CHMP2B: variants seen among roughly 807,000 people sequenced by gnomAD.
CHMP2B encodes the protein charged multivesicular body protein 2B.
In CHMP2B, 22 loss-of-function variants were observed where a neutral mutation model predicts 29.8. The observed-to-expected ratio is 0.74, with a 90% CI of 0.53 to 1.05. CHMP2B has a LOEUF of 1.05. CHMP2B is among the 50% of genes least tolerant of loss of function. The pLI, the probability that CHMP2B is intolerant of heterozygous loss-of-function variation, is 0.00. For missense variants in CHMP2B, 261 were observed against 252.2 expected, an observed-to-expected ratio of 1.03 and a Z score of -0.24; for synonymous variants, 78 against 75.8, an observed-to-expected ratio of 1.03 and a Z score of -0.15.
chr3:87,246,481 G>A (rs1050536365), intron 3 of CHMP2B, among the ~76,000 whole-genome samples: 11 of 152,066 alleles, frequency 7.2e-5, no homozygotes, highest in Admixed American at 7.2e-4. Context: ...CTAATTTTAT[G>A]AAATTGACTT....
intron 3 of CHMP2B, among the ~76,000 whole-genome samples, chr3:87,248,307 G>C (rs1241920524): frequency 6.7e-6 from 1 of 150,342 alleles, no homozygotes; most frequent in Non-Finnish European, 1.5e-5. Context: ...CAAAAAAAAA[G>C]AGAGAGAGAG....
intron 1 of CHMP2B, 46 bp downstream of exon 1, chr3:87,227,602 G>T (rs768671850): frequency 6.2e-7 from 1 of 1,613,218 alleles, no homozygotes; most frequent in Non-Finnish European, 8.5e-7. Context: ...GCGTTTTCTC[G>T]GCGTCTTTCG....
chr3:87,237,329 C>A (rs559399733), intron 1 of CHMP2B, among the ~76,000 whole-genome samples: 2 of 152,090 alleles, frequency 1.3e-5, no homozygotes, highest in Middle Eastern at 3.4e-3. Flanking sequence ...CAGATGGGGC[C>A]CTGATTCAAT....
chr3:87,238,208 A>G (rs1011092937), intron 1 of CHMP2B, among the ~76,000 whole-genome samples: 1 of 152,238 alleles, frequency 6.6e-6, no homozygotes, highest in Non-Finnish European at 1.5e-5. Context: ...TTTGGCTTTG[A>G]TGTTTTAATT....
At chr3:87,244,490 A>G (rs541981106) in intron 2 of CHMP2B, among the ~76,000 whole-genome samples, 68 of 151,944 alleles carry the variant, frequency 4.5e-4, no homozygotes, top group Admixed American at 2.0e-3. Flanking sequence ...CTCTTCTAAG[A>G]GCAGTTTTAA....
At chr3:87,247,883 A>G (rs1007196884) in intron 3 of CHMP2B, among the ~76,000 whole-genome samples, 3 of 152,224 alleles carry the variant, frequency 2.0e-5, no homozygotes, top group African/African-American at 4.8e-5. Flanking sequence ...ACTACGCATT[A>G]TATACATGTA....
At chr3:87,250,857 G>A (rs181095311) in intron 4 of CHMP2B, among the ~76,000 whole-genome samples, 6 of 151,644 alleles carry the variant, frequency 4.0e-5, no homozygotes, top group Admixed American at 2.0e-4. Flanking sequence ...AATTCTTTCC[G>A]GAAGACTACA....
intron 1 of CHMP2B, among the ~76,000 whole-genome samples, chr3:87,239,838 AAAAG>A (rs1231529429): frequency 2.0e-5 from 3 of 152,208 alleles, no homozygotes; most frequent in Non-Finnish European, 4.4e-5. Flanking sequence ...TTTTTTATGA[AAAAG>A]AAAGCTGAGG....
At chr3:87,244,964 G>A (rs1444663260) in intron 2 of CHMP2B, among the ~76,000 whole-genome samples, 1 of 152,034 alleles carries the variant, frequency 6.6e-6, no homozygotes, top group Non-Finnish European at 1.5e-5. Flanking sequence ...TCTCCTTTCA[G>A]TTCTGTCCAT....
intron 4 of CHMP2B, among the ~76,000 whole-genome samples, chr3:87,250,442 A>AG (rs572137018): frequency 6.6e-6 from 1 of 152,026 alleles, no homozygotes; most frequent in Non-Finnish European, 1.5e-5. Context: ...ATACAGAGAC[A>AG]GAGCATATAA....
rs535994337 is a variant in CHMP2B at position 87,244,203 on chromosome 3, C to T, written c.127-1511C>T. ...CTGGGACTACAGGTGTGTGCCACCA[C>T]GCCCAGCTAATTTTTGTATTTTTAG... On this transcript the variant is annotated intron_variant, in intron 2 of 5. Transcript: ENST00000263780. 3.2e-4 allele frequency among the ~76,000 whole-genome samples: 49 copies of T among 151,332 alleles called. No individual in the cohort carries two copies. The East Asian group carries it at 5.4e-3, about 17-fold the overall frequency.
chr3:87,239,949 G>A (rs914822305), intron 1 of CHMP2B, among the ~76,000 whole-genome samples: 9 of 152,042 alleles, frequency 5.9e-5, no homozygotes, highest in African/African-American at 2.2e-4. Context: ...AAAGTCTGGT[G>A]TTTCAGTCTG....
At chr3:87,243,429 A>T (rs1284285288) in intron 2 of CHMP2B, among the ~76,000 whole-genome samples, 2 of 151,780 alleles carry the variant, frequency 1.3e-5, no homozygotes, top group Non-Finnish European at 2.9e-5. Context: ...ATGGAGTTTC[A>T]CTTTTATTGC....
chr3:87,249,112 T>C (rs979740514), intron 3 of CHMP2B, among the ~76,000 whole-genome samples: 1 of 152,168 alleles, frequency 6.6e-6, no homozygotes, highest in Admixed American at 6.6e-5. Context: ...TATAGCCTGT[T>C]GGTCCTAGGC....
chr3:87,243,513 A>G (rs925572270), intron 2 of CHMP2B, among the ~76,000 whole-genome samples: 3 of 152,058 alleles, frequency 2.0e-5, no homozygotes, highest in Non-Finnish European at 4.4e-5. Context: ...TGCTGGCCCC[A>G]TAGCTTGAGT....
chr3:87,238,188 G>T (rs1426139952), intron 1 of CHMP2B, among the ~76,000 whole-genome samples: 2 of 152,236 alleles, frequency 1.3e-5, no homozygotes, highest in Non-Finnish European at 2.9e-5. Context: ...TCCTAAAAAA[G>T]ATAAAGATTT....
At position 87,253,881 on chromosome 3, in the gene CHMP2B, T is replaced by C; in HGVS notation, c.*59T>C. ...ATTATGTAGTATAAACCAAGCACAGTGCAGATTTCTTTTACAAAACACATG... is the reference window on the plus strand; with the variant it reads ...ATTATGTAGTATAAACCAAGCACAGCGCAGATTTCTTTTACAAAACACATG... On this transcript the variant is annotated 3_prime_UTR_variant, in exon 6 of 6. Transcript: ENST00000263780. 1 of 1,245,360 alleles carries C rather than the reference T, an allele frequency of 8.0e-7. No homozygotes were observed. Among genetic ancestry groups the C allele is most frequent in the Non-Finnish European group, 1.2e-6 (1 of 858,982 alleles). The allele number at this position is 1,245,360 out of a possible 1,614,324, so 77.1% of individuals were successfully genotyped here.
At chr3:87,246,180 C>G (rs1706209946) in intron 3 of CHMP2B, among the ~76,000 whole-genome samples, 1 of 151,856 alleles carries the variant, frequency 6.6e-6, no homozygotes, top group Non-Finnish European at 1.5e-5. Context: ...CTCTGTCACA[C>G]AGGCTGGAGT....
At position 87,255,045 on chromosome 3, in the gene CHMP2B, T is replaced by A. The variant is rs1272100447; in HGVS notation, c.*1223T>A. On this transcript the variant is annotated 3_prime_UTR_variant, in exon 6 of 6. Transcript: ENST00000263780. ...AGTTAGAATAGAATTTAGGATTAGG[T>A]TAGTTTTGAAAAATGATGTTGTAAT... The A allele has an allele frequency of 6.6e-6, 1 of 151,948 alleles. No homozygotes were observed. The highest frequency in any genetic ancestry group is 1.5e-5 in the Non-Finnish European group (1 of 67,918). The allele number at this position is 151,948 out of a possible 1,614,324, so 9.4% of individuals were successfully genotyped here.
Sources: allele counts gnomAD v4.1 joint callset (sites outside exome capture counted in the v4.1 genomes callset), GRCh38; gene constraint gnomAD v4.1.1; transcripts MANE v1.5; gene names NCBI Gene and HGNC (gene_info 2026-07-23, HGNC 2026-07-21).